The following NF1 variants were observed in gnomAD, a reference collection of about 807,000 sequenced individuals.
NF1 encodes neurofibromin.
NF1 carries 122 observed loss-of-function variants against 325.7 expected under a neutral mutation model. The observed-to-expected ratio is 0.37, with a 90% CI of 0.32 to 0.44. The LOEUF is 0.44. Ranked by LOEUF, NF1 falls within the 20% of genes least tolerant of loss-of-function variation. NF1 has a pLI of 1.00. For synonymous variants in NF1, 1,091 were observed against 1,186.0 expected (o/e 0.92, Z 1.65); for missense variants, 2,140 against 3,415.4 (o/e 0.63, Z 9.31).
intron 35 of NF1, among the ~76,000 whole-genome samples, chr17:31,264,601 T>G (rs2067753468): frequency 6.6e-6 from 1 of 152,066 alleles, no homozygotes; most frequent in Admixed American, 6.5e-5. Context: ...TGGGAAGAAG[T>G]AATATTTGAA....
At chr17:31,262,058 A>G (rs1403449855) in intron 35 of NF1, among the ~76,000 whole-genome samples, 3 of 152,210 alleles carry the variant, frequency 2.0e-5, no homozygotes, top group Admixed American at 1.3e-4. Flanking sequence ...TGTCATAACA[A>G]TAGTAACAAA....
chr17:31,217,346 A>C (rs1424014773), intron 13 of NF1, among the ~76,000 whole-genome samples: 1 of 150,374 alleles, frequency 6.7e-6, no homozygotes, highest in African/African-American at 2.5e-5. Flanking sequence ...GAGTCTCACT[A>C]TATTGCCCAG....
In NF1 at chr17:31,275,140, C is replaced by T. The variant is rs956299811; in HGVS notation, c.4835+9801C>T. 2.0e-5 allele frequency among the ~76,000 whole-genome samples: 3 copies of T among 152,182 alleles called. No homozygotes were observed. In the South Asian group the frequency reaches 6.2e-4, roughly 31 times the overall value. Reference sequence around the variant, plus strand: ...ATTATTCAGGTCTTCAAATACCCACCAACTTTGTATCTTTGTGCAGCCTCC... The same window carrying T: ...ATTATTCAGGTCTTCAAATACCCACTAACTTTGTATCTTTGTGCAGCCTCC... On this transcript the variant is annotated intron_variant, in intron 36 of 57. Coordinates refer to ENST00000358273, the MANE Select transcript of NF1 (RefSeq NM_001042492.3).
At chr17:31,130,509 G>A (rs1438693324) in intron 1 of NF1, among the ~76,000 whole-genome samples, 1 of 152,066 alleles carries the variant, frequency 6.6e-6, no homozygotes, top group Non-Finnish European at 1.5e-5. Flanking sequence ...TAGCACAGGG[G>A]CAGGGTGCTG....
intron 1 of NF1, among the ~76,000 whole-genome samples, chr17:31,151,145 A>ATCAT (rs1427158158): frequency 2.6e-5 from 4 of 152,184 alleles, no homozygotes; most frequent in Admixed American, 6.5e-5. Flanking sequence ...ATAATATGGT[A>ATCAT]TCATTACCTT....
intron 46 of NF1, 86 bp from the exon 47 acceptor site, chr17:31,340,419 G>A (rs2151561083): frequency 6.5e-7 from 1 of 1,550,034 alleles, no homozygotes; most frequent in Non-Finnish European, 8.9e-7. Context: ...AGGAAGATAA[G>A]CTGCTTTATT....
intron 36 of NF1, chr17:31,319,104 G>T: frequency 7.1e-7 from 1 of 1,403,382 alleles, no homozygotes; most frequent in South Asian, 1.4e-5. Flanking sequence ...AAAAGATAGT[G>T]TTGAGATGTT....
rs1166583182 is a variant in NF1 at position 31,230,084 on chromosome 17, A to G, written c.2990+110A>G. On this transcript the variant is annotated intron_variant, in intron 22 of 57. Coordinates refer to ENST00000358273, the MANE Select transcript of NF1 (RefSeq NM_001042492.3). The stretch of plus-strand genomic sequence containing the variant: ...AATAACTGGCCATTCTTTACTGCAC[A>G]CAAACTAGGGTGTGACAGTAAGGTA... 4 of 1,458,270 alleles carry G rather than the reference A, an allele frequency of 2.7e-6. No individual in the cohort carries two copies. In the East Asian group the frequency reaches 9.1e-5, roughly 33 times the overall value. The allele number at this position is 1,458,270 out of a possible 1,614,324, so 90.3% of individuals were successfully genotyped here.
chr17:31,179,430 C>T (rs1297203829), intron 5 of NF1, among the ~76,000 whole-genome samples: 1 of 151,844 alleles, frequency 6.6e-6, no homozygotes, highest in Non-Finnish European at 1.5e-5. Context: ...AAATTGACAC[C>T]CTAACATCAC....
chr17:31,249,317 G>A (rs938285437), intron 30 of NF1, among the ~76,000 whole-genome samples, 198 bp downstream of exon 30: 1 of 152,202 alleles, frequency 6.6e-6, no homozygotes, highest in African/African-American at 2.4e-5. Context: ...TTTGAAGTAA[G>A]AGAATACTTT....
intron 6 of NF1, 82 bp downstream of exon 6, chr17:31,181,571 T>C: frequency 2.2e-6 from 3 of 1,380,404 alleles, no homozygotes; most frequent in Admixed American, 3.4e-5. Flanking sequence ...CAAAAAGTTA[T>C]GACTTGAGTG....
intron 14 of NF1, among the ~76,000 whole-genome samples, chr17:31,219,537 G>C (rs1032126620): frequency 2.0e-5 from 3 of 151,650 alleles, no homozygotes; most frequent in African/African-American, 7.3e-5. Flanking sequence ...CAATGTGCAG[G>C]TTTGTTACAT....
chr17:31,328,052 CT>C (rs1288379842), intron 38 of NF1, among the ~76,000 whole-genome samples: 1 of 152,162 alleles, frequency 6.6e-6, no homozygotes, highest in East Asian at 1.9e-4. Context: ...AATATATGTC[CT>C]TTCTCCATCA....
intron 39 of NF1, chr17:31,331,903 T>TC (rs1374378343): frequency 5.3e-5 from 1 of 18,962 alleles, no homozygotes; most frequent in Non-Finnish European, 9.9e-5. Context: ...CCCTTCTCTA[T>TC]TAAAAAAAAA....
intron 36 of NF1, among the ~76,000 whole-genome samples, chr17:31,268,190 T>G (rs1371869630): frequency 1.3e-5 from 2 of 152,178 alleles, no homozygotes; most frequent in East Asian, 3.8e-4. Flanking sequence ...ACTGCACATC[T>G]GAAATTCCAG....
intron 36 of NF1, among the ~76,000 whole-genome samples, chr17:31,270,363 C>T (rs1179919014): frequency 1.3e-5 from 2 of 152,200 alleles, no homozygotes; most frequent in Non-Finnish European, 2.9e-5. Context: ...AATCCCAGCA[C>T]TTTGGGAGGC....
chr17:31,281,706 C>T (rs2068121456), intron 36 of NF1, among the ~76,000 whole-genome samples: 1 of 151,980 alleles, frequency 6.6e-6, no homozygotes, highest in African/African-American at 2.4e-5. Flanking sequence ...CTGACTCTGA[C>T]CCCCTAGGCA....
At chr17:31,199,965 G>T (rs1293062334) in intron 8 of NF1, among the ~76,000 whole-genome samples, 1 of 151,936 alleles carries the variant, frequency 6.6e-6, no homozygotes, top group Non-Finnish European at 1.5e-5. Flanking sequence ...GTGAAATCCT[G>T]TCTCTACTAA....
chr17:31,327,858 T>A lies in NF1; in HGVS notation c.5609+19T>A, dbSNP rs2285894. Reference sequence around the variant, plus strand: ...GTTTACGGTAGGTTTTTTAAAATTCTCTTCAGTTTGATTTGGGGTTTGTTG... The same window carrying A: ...GTTTACGGTAGGTTTTTTAAAATTCACTTCAGTTTGATTTGGGGTTTGTTG... On this transcript the variant is annotated intron_variant, in intron 38 of 57. Coordinates refer to ENST00000358273, the MANE Select transcript of NF1 (RefSeq NM_001042492.3). 0.58 allele frequency: 932,984 copies of A among 1,605,644 alleles called. 278,086 individuals carry two copies. Among genetic ancestry groups the A allele is most frequent in the Middle Eastern group, 0.63 (3,288 of 5,226 alleles).
Sources: allele counts gnomAD v4.1 joint callset (sites outside exome capture counted in the v4.1 genomes callset), GRCh38; gene constraint gnomAD v4.1.1; transcripts MANE v1.5; gene names NCBI Gene and HGNC (gene_info 2026-07-23, HGNC 2026-07-21).